The following ARHGAP26 variants were observed in gnomAD, a reference collection of about 807,000 sequenced individuals.
ARHGAP26 encodes Rho GTPase activating protein 26.
In ARHGAP26, 38 loss-of-function variants were observed where a neutral mutation model predicts 104.8. The observed-to-expected ratio is 0.36, with a 90% CI of 0.28 to 0.48. ARHGAP26 has a LOEUF of 0.48. Among genes scored for constraint, ARHGAP26 ranks in the 20% least tolerant of loss-of-function variants. ARHGAP26 has a pLI of 0.99. For synonymous variants in ARHGAP26, 341 were observed against 340.0 expected, an observed-to-expected ratio of 1.00 and a Z score of -0.03; for missense variants, 704 against 947.9, an observed-to-expected ratio of 0.74 and a Z score of 3.38.
chr5:142,923,932 G>A (rs777551784), intron 10 of ARHGAP26, among the ~76,000 whole-genome samples: 14 of 129,672 alleles, frequency 1.1e-4, no homozygotes, highest in Non-Finnish European at 1.7e-4. Context: ...CGCAATCTCC[G>A]CTCACTGCAA....
chr5:143,167,663 T>C (rs543141153), intron 20 of ARHGAP26, among the ~76,000 whole-genome samples: 4 of 152,196 alleles, frequency 2.6e-5, no homozygotes, highest in African/African-American at 4.8e-5. Context: ...AGCGCATGAC[T>C]AAGCCAGGCC....
At chr5:142,964,389 T>C (rs1367412139) in intron 11 of ARHGAP26, among the ~76,000 whole-genome samples, 1 of 152,194 alleles carries the variant, frequency 6.6e-6, no homozygotes, top group Non-Finnish European at 1.5e-5. Flanking sequence ...TTTAAAAAAA[T>C]AAGTGCGTAT....
chr5:143,177,766 TTC>T (rs1182909293), intron 20 of ARHGAP26, among the ~76,000 whole-genome samples: 3 of 152,220 alleles, frequency 2.0e-5, no homozygotes, highest in African/African-American at 7.2e-5. Context: ...GCCCATTTTC[TTC>T]TCTGATTCCT....
At chr5:142,818,334 C>G (rs764824051) in intron 1 of ARHGAP26, among the ~76,000 whole-genome samples, 1 of 152,220 alleles carries the variant, frequency 6.6e-6, no homozygotes, top group Non-Finnish European at 1.5e-5. Context: ...CACAGCCTCT[C>G]CCCCAGCCTC....
intron 18 of ARHGAP26, among the ~76,000 whole-genome samples, chr5:143,131,700 C>T (rs1797372478): frequency 6.6e-6 from 1 of 152,200 alleles, no homozygotes; most frequent in African/African-American, 2.4e-5. Context: ...AGCTGTGTGG[C>T]ATTGTAAGAT....
At chr5:143,065,893 C>T (rs748247814) in intron 17 of ARHGAP26, among the ~76,000 whole-genome samples, 2 of 152,198 alleles carry the variant, frequency 1.3e-5, no homozygotes, top group African/African-American at 2.4e-5. Flanking sequence ...AGCAATTGTT[C>T]AACAGCCTCT....
rs372443447 is a variant in ARHGAP26, at chr5:142,970,660, A to T, written c.1107+38535A>T. Among the ~76,000 whole-genome samples the T allele has an allele frequency of 3.9e-5, 6 of 152,212 alleles. No individual in the cohort carries two copies. The East Asian group carries it at 7.7e-4, about 20-fold the overall frequency. On this transcript the variant is annotated intron_variant, in intron 11 of 22. Coordinates refer to ENST00000645722, the MANE Select transcript of ARHGAP26 (RefSeq NM_001135608.3). The stretch of plus-strand genomic sequence containing the variant: ...ATGCTGATTGGCCAGGGTGTAACAG[A>T]CAGGGGAGCCATCTGGACTGTCATC...
intron 11 of ARHGAP26, among the ~76,000 whole-genome samples, chr5:143,006,192 A>G (rs770588041): frequency 7.2e-5 from 11 of 152,178 alleles, no homozygotes; most frequent in Non-Finnish European, 1.5e-4. Context: ...AGAAAGATTC[A>G]TAGAGAATTT....
chr5:143,083,460 T>C (rs1790099429), intron 17 of ARHGAP26, among the ~76,000 whole-genome samples: 2 of 152,166 alleles, frequency 1.3e-5, no homozygotes, highest in South Asian at 4.1e-4. Context: ...TAAATATTTT[T>C]TGAGTGGAGA....
At chr5:143,139,796 G>C (rs71592151) in intron 19 of ARHGAP26, among the ~76,000 whole-genome samples, 8,831 of 152,240 alleles carry the variant, frequency 0.058, 405 homozygotes, top group African/African-American at 0.12. Flanking sequence ...TTTCCACACA[G>C]ATACACCATC....
intron 1 of ARHGAP26, among the ~76,000 whole-genome samples, chr5:142,846,343 C>T (rs1459618078): frequency 6.6e-6 from 1 of 152,160 alleles, no homozygotes; most frequent in African/African-American, 2.4e-5. Context: ...GGAGGAGTCA[C>T]CAGTGCATAG....
At chr5:143,020,242 C>T (rs1780130792) in intron 12 of ARHGAP26, among the ~76,000 whole-genome samples, 1 of 152,166 alleles carries the variant, frequency 6.6e-6, no homozygotes, top group Admixed American at 6.5e-5. Flanking sequence ...GCCACCACGC[C>T]CAGCCTTCTG....
rs892607790 is a variant in ARHGAP26 at position 143,005,540 on chromosome 5, C to G, written c.1108-8540C>G. ...TTGCCTTGGCAGGGAGGTGGCTCCC[C>G]AAGGAAAATGAGGGTGGTATCCCTG... On this transcript the variant is annotated intron_variant, in intron 11 of 22. Transcript: ENST00000645722. Among the ~76,000 whole-genome samples the G allele has an allele frequency of 3.3e-5, 5 of 152,274 alleles. No homozygotes were observed. The East Asian group carries it at 5.8e-4, about 18-fold the overall frequency.
Position 142,777,209 on chromosome 5 carries a change from G to A in ARHGAP26, c.154+6294G>A, listed in dbSNP as rs1314769737. Among the ~76,000 whole-genome samples the A allele has an allele frequency of 2.0e-5, 3 of 152,156 alleles. No individual in the cohort carries two copies. The East Asian group carries it at 5.8e-4, about 29-fold the overall frequency. The stretch of plus-strand genomic sequence containing the variant: ...GTTTCCATGTGCTTCAACCTTAGAT[G>A]TATTTAACTGATCAGTTTCAGGATC... On this transcript the variant is annotated intron_variant, in intron 1 of 22. Transcript: ENST00000645722.
chr5:143,207,217 A>C lies in ARHGAP26; in HGVS notation c.2008A>C (p.Thr670Pro), dbSNP rs781473038. The change falls in exon 21 of 23, where the codon ACT (threonine) becomes CCT (proline). Residue 670 changes from threonine to proline, a missense_variant. By Grantham distance (38) the Thr-to-Pro change is conservative. Transcript: ENST00000645722. ...TTGCAGCCCCCCGAATCCAAGCCCA[A>C]CTTCACCCCTCTCGCCATCTTGGCC... is the stretch of plus-strand genomic sequence containing the variant. ...PNSLPPNPSPTSPLSPSWPMF... is the reference protein window; with the variant it reads ...PNSLPPNPSPPSPLSPSWPMF... The C allele has an allele frequency of 6.2e-7, 1 of 1,612,418 alleles. No individual in the cohort carries two copies. Among genetic ancestry groups the C allele is most frequent in the South Asian group, 1.1e-5 (1 of 90,952 alleles).
intron 12 of ARHGAP26, among the ~76,000 whole-genome samples, chr5:143,020,889 C>A (rs1780258418): frequency 6.6e-6 from 1 of 152,148 alleles, no homozygotes; most frequent in Non-Finnish European, 1.5e-5. Context: ...ATCCGCCCAT[C>A]TCGGCCTCCC....
intron 14 of ARHGAP26, among the ~76,000 whole-genome samples, chr5:143,052,436 C>T (rs1350461970): frequency 6.6e-6 from 1 of 151,636 alleles, no homozygotes; most frequent in Non-Finnish European, 1.5e-5. Flanking sequence ...CGCCACTGCA[C>T]TCCAGCCTGG....
At chr5:142,959,078 C>T (rs1023135695) in intron 11 of ARHGAP26, among the ~76,000 whole-genome samples, 8 of 152,034 alleles carry the variant, frequency 5.3e-5, no homozygotes, top group African/African-American at 1.9e-4. Flanking sequence ...AGAAAAAAGG[C>T]CCAGAGAAAG....
At chr5:143,005,739 A>G (rs1157538406) in intron 11 of ARHGAP26, among the ~76,000 whole-genome samples, 1 of 152,228 alleles carries the variant, frequency 6.6e-6, no homozygotes, top group Non-Finnish European at 1.5e-5. Flanking sequence ...TCTATTCATC[A>G]TCATTGTTGT....
Sources: allele counts gnomAD v4.1 joint callset (sites outside exome capture counted in the v4.1 genomes callset), GRCh38; gene constraint gnomAD v4.1.1; transcripts MANE v1.5; gene names NCBI Gene and HGNC (gene_info 2026-07-23, HGNC 2026-07-21).